ZNF106: variants seen among roughly 807,000 people sequenced by gnomAD.
ZNF106 encodes SH3-domain binding protein 3.
Under a neutral mutation model 195.1 loss-of-function variants are expected in ZNF106, and 67 were observed. The observed-to-expected ratio is 0.34, with a 90% CI of 0.28 to 0.42. ZNF106 has a LOEUF of 0.42. Ranked by LOEUF, ZNF106 falls within the 10% of genes least tolerant of loss-of-function variation. ZNF106 has a pLI of 1.00. For missense variants in ZNF106, 2,118 were observed against 2,304.5 expected (o/e 0.92, Z 1.66); for synonymous variants, 784 against 818.6 (o/e 0.96, Z 0.72).
At position 42,438,722 on chromosome 15, in the gene ZNF106, A is replaced by G. The variant is rs974122871; in HGVS notation, c.4545-55T>C. On this transcript the variant is annotated intron_variant, in intron 11 of 21. Coordinates refer to ENST00000564754, the MANE Select transcript of ZNF106 (RefSeq NM_001366845.3). Reference sequence around the variant, plus strand: ...CATCTGTGTGAACAGGGCAGGTAGTAAAAGTAAAAATTTCTGACTCAAAGG... The same window carrying G: ...CATCTGTGTGAACAGGGCAGGTAGTGAAAGTAAAAATTTCTGACTCAAAGG... The G allele has an allele frequency of 1.1e-5, 17 of 1,540,348 alleles. No individual in the cohort carries two copies. The African/African-American group carries it at 1.9e-4, about 17-fold the overall frequency.
intron 3 of ZNF106, among the ~76,000 whole-genome samples, chr15:42,464,068 A>G (rs2056456005): frequency 6.6e-6 from 1 of 151,978 alleles, no homozygotes; most frequent in African/African-American, 2.4e-5. Context: ...CTGGCTAGGC[A>G]TGGTGGCTCA....
chr15:42,443,471 A>G (rs1379010693), intron 9 of ZNF106, among the ~76,000 whole-genome samples: 1 of 151,824 alleles, frequency 6.6e-6, no homozygotes, highest in Non-Finnish European at 1.5e-5. Flanking sequence ...ATCTCTATAA[A>G]AGCATTTTTT....
At chr15:42,430,911 C>T (rs369944789) in intron 14 of ZNF106, among the ~76,000 whole-genome samples, 1 of 152,006 alleles carries the variant, frequency 6.6e-6, no homozygotes, top group Non-Finnish European at 1.5e-5. Context: ...TCCCAAAGCA[C>T]TAGAATTACA....
intron 1 of ZNF106, among the ~76,000 whole-genome samples, chr15:42,475,658 T>C (rs1369778555): frequency 6.6e-6 from 1 of 152,232 alleles, no homozygotes; most frequent in Non-Finnish European, 1.5e-5. Flanking sequence ...TTCTAACTGC[T>C]TTATAATGTA....
intron 14 of ZNF106, 102 bp downstream of exon 14, chr15:42,435,282 T>C (rs899784775): frequency 5.4e-6 from 8 of 1,491,860 alleles, no homozygotes; most frequent in Admixed American, 1.9e-5. Flanking sequence ...AAAAAGGAGA[T>C]GGTGGGTAGA....
chr15:42,439,594 T>C lies in ZNF106; in HGVS notation c.3983A>G (p.Glu1328Gly). The C allele has an allele frequency of 1.9e-6, 3 of 1,614,160 alleles. No individual in the cohort carries two copies. Among genetic ancestry groups the C allele is most frequent in the South Asian group, 2.2e-5 (2 of 91,054 alleles). Residue 1328 changes from glutamate to glycine, a missense_variant, in exon 11 of 22, where the codon GAA becomes GGA. Physicochemically the swap from Glu to Gly is moderately conservative, Grantham distance 98. Coordinates refer to ENST00000564754, the MANE Select transcript of ZNF106 (RefSeq NM_001366845.3). ...TCTTAGAAAAGAACTGGTACAGGCT[T>C]CAGACCCACTATTGCCTTTGGTTGG... ...EEPTKGNSGSEACTSSFLRLS... is the reference protein window; with the variant it reads ...EEPTKGNSGSGACTSSFLRLS...
rs1595852216 is a variant in ZNF106 at position 42,413,393 on chromosome 15, GCC to G, written c.*3909_*3910del. The G allele has an allele frequency of 2.0e-5, 3 of 152,214 alleles. No individual in the cohort carries two copies. In the East Asian group the frequency reaches 5.8e-4, roughly 29 times the overall value. 9.4% of individuals were successfully genotyped at this position (152,214 alleles called of 1,614,324 possible). ...TTATTTTATAAATGTGGCAGGTATGGCCTTCGTAATTCTAGAAGCTCCCGTTT... is the reference window on the plus strand; with the variant it reads ...TTATTTTATAAATGTGGCAGGTATGGTTCGTAATTCTAGAAGCTCCCGTTT... On this transcript the variant is annotated 3_prime_UTR_variant, in exon 22 of 22. Transcript: ENST00000564754.
chr15:42,461,068 T>C (rs936966979), intron 3 of ZNF106, among the ~76,000 whole-genome samples: 2 of 152,178 alleles, frequency 1.3e-5, no homozygotes, highest in Non-Finnish European at 1.5e-5. Context: ...TCAGGAGATG[T>C]GGTTATACTA....
At chr15:42,453,385 G>A (rs2056115785) in intron 4 of ZNF106, among the ~76,000 whole-genome samples, 1 of 152,170 alleles carries the variant, frequency 6.6e-6, no homozygotes, top group Admixed American at 6.5e-5. Context: ...ACATGAATAA[G>A]CTTCAGTAAG....
chr15:42,472,429 TC>T (rs2056695439), intron 1 of ZNF106, 108 bp from the exon 2 acceptor site: 1 of 748,436 alleles, frequency 1.3e-6, no homozygotes, highest in Non-Finnish European at 2.1e-6. Context: ...TCCACCTTGC[TC>T]CTCCCCCAGA....
intron 17 of ZNF106, 101 bp from the exon 18 acceptor site, chr15:42,422,721 C>A: frequency 8.1e-7 from 1 of 1,228,258 alleles, no homozygotes; most frequent in Non-Finnish European, 1.1e-6. Context: ...GGATACTGTA[C>A]ACATATAATT....
In ZNF106 at chr15:42,415,158, G is replaced by A. The variant is rs1162212308; in HGVS notation, c.*2146C>T. On this transcript the variant is annotated 3_prime_UTR_variant, in exon 22 of 22. Coordinates refer to ENST00000564754, the MANE Select transcript of ZNF106 (RefSeq NM_001366845.3). ...TTTTTTGAGGTGGAGTTTCACTCTTGTCGCCCAGGCTGGAGTGCAGTAGTA... is the reference window on the plus strand; with the variant it reads ...TTTTTTGAGGTGGAGTTTCACTCTTATCGCCCAGGCTGGAGTGCAGTAGTA... The A allele has an allele frequency of 7.6e-6, 1 of 132,026 alleles. No individual in the cohort carries two copies. Among genetic ancestry groups the A allele is most frequent in the Non-Finnish European group, 1.6e-5 (1 of 63,874 alleles). The allele number at this position is 132,026 out of a possible 1,614,324, so 8.2% of individuals were successfully genotyped here.
intron 16 of ZNF106, chr15:42,424,348 T>C (rs1336038512): frequency 8.4e-6 from 3 of 355,820 alleles, no homozygotes; most frequent in Non-Finnish European, 1.0e-5. Flanking sequence ...AATACACTCA[T>C]TGTTTCTCAA....
At chr15:42,428,858 G>A (rs961255138) in intron 14 of ZNF106, among the ~76,000 whole-genome samples, 2 of 151,974 alleles carry the variant, frequency 1.3e-5, no homozygotes, top group African/African-American at 2.4e-5. Context: ...CCACCTCCCC[G>A]GTTCACACCA....
chr15:42,484,521 G>T (rs2141459551), intron 1 of ZNF106, among the ~76,000 whole-genome samples: 1 of 152,146 alleles, frequency 6.6e-6, no homozygotes, highest in East Asian at 1.9e-4. Context: ...CAGTACTTTG[G>T]GAGGCTGAGG....
chr15:42,453,971 G>A (rs1053546340), intron 4 of ZNF106, among the ~76,000 whole-genome samples: 1 of 152,162 alleles, frequency 6.6e-6, no homozygotes, highest in East Asian at 1.9e-4. Context: ...GAAAGCAGTA[G>A]AGCAGAGATT....
At position 42,433,989 on chromosome 15, in the gene ZNF106, T is replaced by C. The variant is rs115175559; in HGVS notation, c.4881+1395A>G. Among the ~76,000 whole-genome samples the C allele has an allele frequency of 8.8e-3, 1,333 of 152,076 alleles. 23 individuals are homozygous for C. The highest frequency in any genetic ancestry group is 0.031 in the African/African-American group (1,271 of 41,446). On this transcript the variant is annotated intron_variant, in intron 14 of 21. Transcript: ENST00000564754. ...TCAGCCTCCCAAACAGCTAGGACTA[T>C]AGGTGTGCATCACCACACCCAGCTG...
intron 18 of ZNF106, among the ~76,000 whole-genome samples, 163 bp from the exon 19 acceptor site, chr15:42,422,151 T>A (rs1449603667): frequency 3.3e-5 from 5 of 152,186 alleles, no homozygotes; most frequent in Non-Finnish European, 1.5e-5. Context: ...ATTTTTCTTT[T>A]ACATTCTACT....
At chr15:42,482,806 G>C (rs1420185773) in intron 1 of ZNF106, among the ~76,000 whole-genome samples, 1 of 152,106 alleles carries the variant, frequency 6.6e-6, no homozygotes, top group Non-Finnish European at 1.5e-5. Flanking sequence ...TAGGATTACA[G>C]GCGTGAGCCA....
Sources: gnomAD v4.1 joint callset for allele counts (sites outside exome capture counted in the v4.1 genomes callset) on GRCh38, gnomAD v4.1.1 for gene constraint, MANE v1.5 for transcripts, NCBI Gene and HGNC (gene_info 2026-07-23, HGNC 2026-07-21) for gene names.